Variants in AHRR observed in about 807,000 individuals in gnomAD.
AHRR encodes ahR repressor.
AHRR carries 28 observed loss-of-function variants against 44.0 expected under a neutral mutation model. The ratio of observed to expected loss-of-function variants is 0.64; its 90% CI spans 0.47 to 0.87. The LOEUF (loss-of-function observed/expected upper bound fraction) is 0.87. Ranked by LOEUF, AHRR falls within the 40% of genes least tolerant of loss-of-function variation. The probability of loss-of-function intolerance (pLI) is 0.00; values close to 1 mark genes in which losing one functional copy is unlikely to be tolerated. For missense variants in AHRR, 990 were observed against 953.9 expected, an observed-to-expected ratio of 1.04 and a Z score of -0.50; for synonymous variants, 434 against 407.0, an observed-to-expected ratio of 1.07 and a Z score of -0.80.
At chr5:345,178 GGGGA>G (rs199810549) in intron 2 of AHRR, among the ~76,000 whole-genome samples, 6 of 73,658 alleles carry the variant, frequency 8.1e-5, no homozygotes, top group African/African-American at 2.7e-4. Context: ...GGCTGTGTGT[GGGGA>G]TGTGTGTGTG....
At chr5:398,773 C>G (rs1734881066) in intron 4 of AHRR, among the ~76,000 whole-genome samples, 1 of 152,222 alleles carries the variant, frequency 6.6e-6, no homozygotes, top group Middle Eastern at 3.2e-3. Flanking sequence ...GCAGGGCCTT[C>G]TGCCGCCAGG....
chr5:333,769 G>A (rs1742022974), intron 1 of AHRR, among the ~76,000 whole-genome samples: 1 of 152,112 alleles, frequency 6.6e-6, no homozygotes, highest in Admixed American at 6.5e-5. Flanking sequence ...GAATTCTGTA[G>A]CAGTGCCATT....
In AHRR at chr5:376,680, A is replaced by G. The variant is rs765620811; in HGVS notation, c.315A>G (p.Ala105=). 60 of 1,610,370 alleles carry G rather than the reference A, an allele frequency of 3.7e-5. No homozygotes were observed. The Middle Eastern group carries it at 6.6e-4, about 18-fold the overall frequency. Residue 105 remains alanine (A), a synonymous_variant, in exon 4 of 11, where the codon GCA becomes GCG. Transcript: ENST00000684583. ...APSPGDSCPL[A]GSAVLEGRLL... ...CGCCCGGAGACAGCTGTCCTCTTGC[A>G]GGGTCTGCCGTGCTGGAGGGAAGGC... is the stretch of plus-strand genomic sequence containing the variant.
At chr5:393,930 T>G (rs76029146) in intron 4 of AHRR, among the ~76,000 whole-genome samples, 1,717 of 152,324 alleles carry the variant, frequency 0.011, 35 homozygotes, top group African/African-American at 0.036. Flanking sequence ...GCCCGGCCTA[T>G]TGCAGTGTTT....
intron 1 of AHRR, among the ~76,000 whole-genome samples, chr5:322,196 G>C (rs992945063): frequency 2.6e-5 from 4 of 152,132 alleles, no homozygotes; most frequent in African/African-American, 9.7e-5. Flanking sequence ...GGTCCGGGGG[G>C]CCTCACCCCC....
chr5:345,579 T>G (rs562478780), intron 2 of AHRR, among the ~76,000 whole-genome samples: 19 of 146,950 alleles, frequency 1.3e-4, no homozygotes, highest in East Asian at 8.3e-4. Context: ...TGGGTGTGTG[T>G]GGGTGTGTGG....
At chr5:361,596 G>C (rs553713753) in intron 3 of AHRR, among the ~76,000 whole-genome samples, 1 of 152,346 alleles carries the variant, frequency 6.6e-6, no homozygotes, top group South Asian at 2.1e-4. Context: ...CCTCTGGGCA[G>C]AGCATGGAGT....
In AHRR at chr5:376,624, A is replaced by G; in HGVS notation, c.259A>G (p.Ser87Gly). Reference sequence around the variant, plus strand: ...TTCTCTGACAGTCGTGCAGGAGCAGAGCTCACGGCAGCCTGCGGCCGGCGC... The same window carrying G: ...TTCTCTGACAGTCGTGCAGGAGCAGGGCTCACGGCAGCCTGCGGCCGGCGC... ...KSFFQVVQEQ[S>G]SRQPAAGAPS... Residue 87 changes from serine to glycine, a missense_variant, in exon 4 of 11, where the codon AGC becomes GGC. Coordinates refer to ENST00000684583, the MANE Select transcript of AHRR (RefSeq NM_001377236.1). The G allele has an allele frequency of 9.6e-7, 1 of 1,037,632 alleles. No individual in the cohort carries two copies. The allele number at this position is 1,037,632 out of a possible 1,614,324, so 64.3% of individuals were successfully genotyped here.
intron 3 of AHRR, among the ~76,000 whole-genome samples, chr5:372,261 G>C (rs1407910565): frequency 6.6e-6 from 1 of 151,828 alleles, no homozygotes; most frequent in African/African-American, 2.4e-5. Flanking sequence ...TGCACAGAGG[G>C]GACTGTGGAG....
Position 388,917 on chromosome 5 carries a change from G to A in AHRR, c.351+12201G>A, listed in dbSNP as rs547191433. On this transcript the variant is annotated intron_variant, in intron 4 of 10. Transcript: ENST00000684583. The surrounding 1 kb of genome is among the most constrained non-coding windows in gnomAD (Gnocchi z 5.2). ...TGCGGAGGGTTTCCGCCGGTGCCTC[G>A]CACAGGAGAGAAGATGGAGCCGAGT... Among the ~76,000 whole-genome samples the A allele has an allele frequency of 1.4e-3, 218 of 152,288 alleles. No homozygotes were observed. The highest frequency in any genetic ancestry group is 5.1e-3 in the African/African-American group (212 of 41,580).
At position 380,536 on chromosome 5, in the gene AHRR, C is replaced by T. The variant is rs184758731; in HGVS notation, c.351+3820C>T. Among the ~76,000 whole-genome samples, 4 of 152,218 alleles carry T rather than the reference C, an allele frequency of 2.6e-5. No homozygotes were observed. The East Asian group carries it at 7.7e-4, about 29-fold the overall frequency. Reference sequence around the variant, plus strand: ...TTTTGTAGTTTTCAGCATACATATCCTGCATATTTATGTTAGATTCATGTT... The same window carrying T: ...TTTTGTAGTTTTCAGCATACATATCTTGCATATTTATGTTAGATTCATGTT... On this transcript the variant is annotated intron_variant, in intron 4 of 10. Transcript: ENST00000684583.
chr5:403,505 G>A lies in AHRR; in HGVS notation c.352-9839G>A, dbSNP rs764027447. Among the ~76,000 whole-genome samples the A allele has an allele frequency of 8.9e-4, 136 of 151,966 alleles. 1 individual carries two copies. The highest frequency in any genetic ancestry group is 2.4e-3 in the African/African-American group (99 of 41,434). On this transcript the variant is annotated intron_variant, in intron 4 of 10. Transcript: ENST00000684583. ...GCAAAAATTAGCTGGGTGTGGTGGC[G>A]CATGCCTGTAATCCCAGCTACTCGG...
rs2303739 is a variant in AHRR at position 432,596 on chromosome 5, C to T, written c.970+72C>T. On this transcript the variant is annotated intron_variant, in intron 9 of 10. Coordinates refer to ENST00000684583, the MANE Select transcript of AHRR (RefSeq NM_001377236.1). The stretch of plus-strand genomic sequence containing the variant: ...TGTTTCTGCCCTTGGAGAGCTTCCC[C>T]GCCCAGTGGAGATGTTGGCGTATTC... 302 of 1,557,636 alleles carry T rather than the reference C, an allele frequency of 1.9e-4. 2 individuals carry two copies. The East Asian group carries it at 5.7e-3, about 30-fold the overall frequency.
At chr5:424,032 C>G (rs376199827) in intron 7 of AHRR, 55 bp downstream of exon 7, 10 of 1,564,602 alleles carry the variant, frequency 6.4e-6, no homozygotes, top group Admixed American at 1.8e-5. Context: ...GCATTCTACC[C>G]TGGTGTGGAA....
At chr5:385,569 G>A (rs1734145687) in intron 4 of AHRR, among the ~76,000 whole-genome samples, 1 of 152,060 alleles carries the variant, frequency 6.6e-6, no homozygotes. Flanking sequence ...ACTATCTTCT[G>A]GCCTCTGTGG....
intron 3 of AHRR, among the ~76,000 whole-genome samples, chr5:373,235 C>T (rs1743638185): frequency 6.6e-6 from 1 of 152,248 alleles, no homozygotes; most frequent in Non-Finnish European, 1.5e-5. Flanking sequence ...GGCAGCCCTG[C>T]CCCGCGGCCC....
intron 4 of AHRR, among the ~76,000 whole-genome samples, chr5:378,885 G>A (rs1226912067): frequency 1.3e-5 from 2 of 152,216 alleles, no homozygotes; most frequent in Non-Finnish European, 2.9e-5. Context: ...TAGAATTCAA[G>A]TGTATGGTTA....
chr5:345,266 G>A (rs1579604813), intron 2 of AHRR, among the ~76,000 whole-genome samples: 1 of 109,902 alleles, frequency 9.1e-6, no homozygotes, highest in East Asian at 2.2e-4. Flanking sequence ...GGGGAGAGGG[G>A]TGGGTGGGTG....
intron 3 of AHRR, among the ~76,000 whole-genome samples, chr5:374,257 C>A (rs1308060488): frequency 1.3e-5 from 2 of 152,066 alleles, no homozygotes; most frequent in East Asian, 3.9e-4. Flanking sequence ...TGTGGGGCCG[C>A]TCCTGCCCGG....
Sources: allele counts gnomAD v4.1 joint callset (sites outside exome capture counted in the v4.1 genomes callset), GRCh38; gene constraint gnomAD v4.1.1; non-coding constraint Gnocchi (gnomAD v3.1); transcripts MANE v1.5; gene names NCBI Gene and HGNC (gene_info 2026-07-23, HGNC 2026-07-21).